The following STRN variants were observed in gnomAD, a reference collection of about 807,000 sequenced individuals.
STRN encodes the protein protein phosphatase 2 regulatory subunit B'''alpha.
Under a neutral mutation model 96.3 loss-of-function variants are expected in STRN, and 53 were observed. The ratio of observed to expected loss-of-function variants is 0.55; its 90% CI spans 0.44 to 0.69. STRN has a LOEUF of 0.69. Ranked by LOEUF, STRN falls within the 30% of genes least tolerant of loss-of-function variation. The probability of loss-of-function intolerance (pLI) is 0.00; values close to 1 mark genes in which losing one functional copy is unlikely to be tolerated. For synonymous variants in STRN, 428 were observed against 355.9 expected (o/e 1.20, Z -2.28); for missense variants, 987 against 963.9 (o/e 1.02, Z -0.32).
intron 9 of STRN, among the ~76,000 whole-genome samples, chr2:36,880,963 G>A (rs558849330): frequency 2.3e-4 from 35 of 152,018 alleles, no homozygotes; most frequent in Non-Finnish European, 4.4e-4. Context: ...GCAATAATAA[G>A]CATCACTGTT....
Position 36,884,043 on chromosome 2 carries a change from C to G in STRN, c.1075G>C (p.Ala359Pro). Residue 359 changes from alanine to proline, a missense_variant, in exon 9 of 18, where the codon GCT becomes CCT. Ala to Pro is a conservative substitution (Grantham distance 27). Coordinates refer to ENST00000263918, the MANE Select transcript of STRN (RefSeq NM_003162.4). ...PNRSKLQDML[A>P]NLRDVDELPS... ...AGTTCATCAACATCTCTCAAATTAG[C>G]AAGCATATCTTGTAGTTTTGACCTA... 7.1e-7 allele frequency: 1 copy of G among 1,405,150 alleles called. No homozygotes were observed. Among genetic ancestry groups the G allele is most frequent in the Non-Finnish European group, 9.3e-7 (1 of 1,071,254 alleles). 87.0% of individuals were successfully genotyped at this position (1,405,150 alleles called of 1,614,324 possible). A position where few individuals can be genotyped will look rare whatever the true frequency, so the allele number is the denominator to read the frequency against.
chr2:36,905,426 C>A, intron 4 of STRN, 114 bp downstream of exon 4: 1 of 897,630 alleles, frequency 1.1e-6, no homozygotes, highest in Non-Finnish European at 1.8e-6. Flanking sequence ...AGCTTTTTCA[C>A]AGCATCTGTA....
rs1669446087 is a variant in STRN, at chr2:36,893,190, TTAATGCCTG to T, written c.931+699_931+707del. ...TGCAACTCAGTCCTGGCTATAAGCC[TTAATGCCTG>T]TATAAAAAGTCAATATACAACTCTA... is the stretch of plus-strand genomic sequence containing the variant. On this transcript the variant is annotated intron_variant, in intron 7 of 17. Transcript: ENST00000263918. Among the ~76,000 whole-genome samples the T allele has an allele frequency of 2.0e-5, 3 of 152,338 alleles. No homozygotes were observed. The South Asian group carries it at 6.2e-4, about 32-fold the overall frequency.
chr2:36,886,017 T>C (rs1669218472), intron 8 of STRN, among the ~76,000 whole-genome samples: 2 of 152,124 alleles, frequency 1.3e-5, no homozygotes, highest in Admixed American at 6.5e-5. Flanking sequence ...CTTAACTAGA[T>C]CCATTGCTAA....
At chr2:36,964,022 A>G (rs1572705838) in intron 1 of STRN, among the ~76,000 whole-genome samples, 2 of 152,210 alleles carry the variant, frequency 1.3e-5, no homozygotes, top group East Asian at 3.9e-4. Context: ...AGTCTCTTTA[A>G]TATGATAAGC....
At position 36,886,776 on chromosome 2, in the gene STRN, C is replaced by T; in HGVS notation, c.982G>A (p.Val328Ile). Residue 328 changes from valine to isoleucine, a missense_variant, in exon 8 of 18, where the codon GTA (valine) becomes ATA (isoleucine). By Grantham distance (29) the Val-to-Ile change is conservative. Coordinates refer to ENST00000263918, the MANE Select transcript of STRN (RefSeq NM_003162.4). ...MPEAWNVDQGVITKLKEQYKK... is the reference protein window; with the variant it reads ...MPEAWNVDQGIITKLKEQYKK... ...TATTGTTCCTTGAGTTTGGTAATTA[C>T]TCCCTGGTCCACATTCCAGGCTTCA... The T allele has an allele frequency of 6.2e-7, 1 of 1,613,560 alleles. No homozygotes were observed. The highest frequency in any genetic ancestry group is 8.5e-7 in the Non-Finnish European group (1 of 1,179,758).
rs1471648750 is a variant in STRN at position 36,838,243 on chromosome 2, G to A, written c.*11213C>T. ...AAGGATCAGATTTGACAGTCAGCTA[G>A]GAGACAGGGACCTCCATCCTCTGAC... On this transcript the variant is annotated 3_prime_UTR_variant, in exon 18 of 18. Coordinates refer to ENST00000263918, the MANE Select transcript of STRN (RefSeq NM_003162.4). 6.6e-6 allele frequency among the ~76,000 whole-genome samples: 1 copy of A among 152,200 alleles called. No individual in the cohort carries two copies. The highest frequency in any genetic ancestry group is 1.5e-5 in the Non-Finnish European group (1 of 68,042).
At chr2:36,923,374 C>T (rs1241695339) in intron 2 of STRN, among the ~76,000 whole-genome samples, 3 of 150,176 alleles carry the variant, frequency 2.0e-5, no homozygotes, top group Non-Finnish European at 3.0e-5. Context: ...TTGCTTGAGC[C>T]CAGAAGGCGG....
intron 3 of STRN, 89 bp from the exon 4 acceptor site, chr2:36,905,707 A>T (rs1031281898): frequency 8.8e-7 from 1 of 1,131,566 alleles, no homozygotes; most frequent in African/African-American, 1.5e-5. Flanking sequence ...AAACATTTAT[A>T]AGATTAAGAA....
intron 1 of STRN, among the ~76,000 whole-genome samples, chr2:36,955,443 C>T (rs1424147307): frequency 6.6e-6 from 1 of 152,172 alleles, no homozygotes; most frequent in Admixed American, 6.5e-5. Flanking sequence ...CCTGTCAGCC[C>T]TAGAATTCTA....
At chr2:36,925,410 T>C (rs911813253) in intron 1 of STRN, among the ~76,000 whole-genome samples, 1 of 152,176 alleles carries the variant, frequency 6.6e-6, no homozygotes, top group African/African-American at 2.4e-5. Flanking sequence ...TGGGGGGACA[T>C]CTAAATGCAT....
At chr2:36,905,905 ATCC>A (rs1434335830) in intron 3 of STRN, among the ~76,000 whole-genome samples, 1 of 152,242 alleles carries the variant, frequency 6.6e-6, no homozygotes, top group Non-Finnish European at 1.5e-5. Context: ...ACAAAGACTT[ATCC>A]CATCAAGTCA....
chr2:36,894,589 C>T (rs1271802889), intron 6 of STRN, among the ~76,000 whole-genome samples: 1 of 152,164 alleles, frequency 6.6e-6, no homozygotes, highest in Non-Finnish European at 1.5e-5. Context: ...GAACTGTCTC[C>T]ATCTCAGTCA....
At chr2:36,909,991 G>T (rs775420725) in intron 3 of STRN, among the ~76,000 whole-genome samples, 2 of 152,038 alleles carry the variant, frequency 1.3e-5, no homozygotes, top group Non-Finnish European at 2.9e-5. Flanking sequence ...TGGCCAACAT[G>T]GTAAAACCCC....
At chr2:36,912,902 C>T (rs1156644305) in intron 3 of STRN, among the ~76,000 whole-genome samples, 1 of 152,028 alleles carries the variant, frequency 6.6e-6, no homozygotes, top group African/African-American at 2.4e-5. Flanking sequence ...CTTTTTTCAC[C>T]CCCTACATCC....
In STRN at chr2:36,897,006, A is replaced by G. The variant is rs113819927; in HGVS notation, c.795+2517T>C. Reference sequence around the variant, plus strand: ...AACATGGAGAAACCCTGTCTCTACTAAAAATACAGCATCAGCCGGGTGTGG... The same window carrying G: ...AACATGGAGAAACCCTGTCTCTACTGAAAATACAGCATCAGCCGGGTGTGG... On this transcript the variant is annotated intron_variant, in intron 6 of 17. Coordinates refer to ENST00000263918, the MANE Select transcript of STRN (RefSeq NM_003162.4). Among the ~76,000 whole-genome samples the G allele has an allele frequency of 4.4e-3, 667 of 152,144 alleles. 5 individuals carry two copies. The highest frequency in any genetic ancestry group is 0.016 in the African/African-American group (645 of 41,510).
chr2:36,855,272 T>C lies in STRN; in HGVS notation c.1918A>G (p.Ser640Gly). The change falls in exon 15 of 18, where the codon AGC becomes GGC. Residue 640 changes from serine to glycine, a missense_variant. By Grantham distance (56) the Ser-to-Gly change is moderately conservative (BLOSUM62 0). Coordinates refer to ENST00000263918, the MANE Select transcript of STRN (RefSeq NM_003162.4). ...TGTTGTGTTTCCATGTTAAAAATGC[T>C]TGTATATCCCTTGCTGAATGATGCT... ...MVASFSKGYT[S>G]IFNMETQQRI... 1 of 1,613,962 alleles carries C rather than the reference T, an allele frequency of 6.2e-7. No individual in the cohort carries two copies. The highest frequency in any genetic ancestry group is 8.5e-7 in the Non-Finnish European group (1 of 1,179,856).
At chr2:36,891,398 C>T (rs907386963) in intron 7 of STRN, among the ~76,000 whole-genome samples, 4 of 152,068 alleles carry the variant, frequency 2.6e-5, no homozygotes, top group Admixed American at 6.6e-5. Flanking sequence ...TGGTGGCAGG[C>T]GCCTGTAATC....
intron 3 of STRN, among the ~76,000 whole-genome samples, chr2:36,908,563 G>C (rs1339027533): frequency 6.6e-6 from 1 of 151,942 alleles, no homozygotes; most frequent in African/African-American, 2.4e-5. Flanking sequence ...CACTAAAAAG[G>C]GTGACTTTTA....
Sources: gnomAD v4.1 joint callset for allele counts (sites outside exome capture counted in the v4.1 genomes callset) on GRCh38, gnomAD v4.1.1 for gene constraint, MANE v1.5 for transcripts, NCBI Gene and HGNC (gene_info 2026-07-23, HGNC 2026-07-21) for gene names.